Variants in ASCC1 observed in about 807,000 individuals in gnomAD.
The protein encoded by ASCC1 is ASC-1 complex subunit P50.
In ASCC1, 35 loss-of-function variants were observed where a neutral mutation model predicts 46.6. The ratio of observed to expected loss-of-function variants is 0.75; its 90% CI spans 0.57 to 0.99. ASCC1 has a LOEUF of 0.99. Among genes scored for constraint, ASCC1 ranks in the 50% least tolerant of loss-of-function variants. The pLI is 0.00. For synonymous variants in ASCC1, 143 were observed against 146.6 expected (o/e 0.98, Z 0.18); for missense variants, 376 against 428.7 (o/e 0.88, Z 1.09).
chr10:72,118,835 T>C (rs1423899261), intron 9 of ASCC1, among the ~76,000 whole-genome samples: 1 of 151,932 alleles, frequency 6.6e-6, no homozygotes, highest in Non-Finnish European at 1.5e-5. Context: ...TAAATGCTAG[T>C]CTCCCTTTGC....
chr10:72,128,276 G>A lies in ASCC1; in HGVS notation c.872-109C>T. The A allele has an allele frequency of 1.5e-5, 13 of 874,254 alleles. 1 individual carries two copies. In the South Asian group the frequency reaches 1.8e-4, roughly 12 times the overall value. 54.2% of individuals were successfully genotyped at this position (874,254 alleles called of 1,614,324 possible). On this transcript the variant is annotated intron_variant, in intron 8 of 9. Transcript: ENST00000672957. ...TAGCAAAATTTTCATGAACTACCTG[G>A]AAAGTGGCATAATGAAGAGGAAAAA... is the stretch of plus-strand genomic sequence containing the variant.
intron 9 of ASCC1, among the ~76,000 whole-genome samples, chr10:72,126,419 G>A (rs1844868849): frequency 6.6e-6 from 1 of 152,214 alleles, no homozygotes. Context: ...GGGTGGTTCA[G>A]AAGATTTCAG....
chr10:72,190,547 A>G lies in ASCC1; in HGVS notation c.489+6264T>C. The G allele has an allele frequency of 2.7e-6, 4 of 1,467,554 alleles. No individual in the cohort carries two copies. The South Asian group carries it at 4.6e-5, about 17-fold the overall frequency. 90.9% of individuals were successfully genotyped at this position (1,467,554 alleles called of 1,614,324 possible). Reference sequence around the variant, plus strand: ...TCGCAGGGCAGCTTGGAGAAGGCGCAATACTCTCCAGCTCCACCATTATCG... The same window carrying G: ...TCGCAGGGCAGCTTGGAGAAGGCGCGATACTCTCCAGCTCCACCATTATCG... On this transcript the variant is annotated intron_variant, in intron 5 of 9. Coordinates refer to ENST00000672957, the MANE Select transcript of ASCC1 (RefSeq NM_001198800.3).
At chr10:72,180,645 A>G (rs1852462433) in intron 5 of ASCC1, among the ~76,000 whole-genome samples, 1 of 152,136 alleles carries the variant, frequency 6.6e-6, no homozygotes, top group Non-Finnish European at 1.5e-5. Context: ...ATAAAAATCA[A>G]AAATCAAAAT....
At chr10:72,216,550 G>T (rs1859390153), upstream of ASCC1, among the ~76,000 whole-genome samples, 6 of 148,642 alleles carry the variant, frequency 4.0e-5, no homozygotes, top group South Asian at 1.1e-3. Context: ...TTTTGAAGTG[G>T]AACGATTTGT....
At chr10:72,101,805 A>G (rs1841796393) in intron 9 of ASCC1, among the ~76,000 whole-genome samples, 2 of 152,126 alleles carry the variant, frequency 1.3e-5, no homozygotes, top group African/African-American at 4.8e-5. Context: ...GTAGTAGTTC[A>G]GTCATGAGGG....
chr10:72,105,983 T>C (rs1370803130), intron 9 of ASCC1, among the ~76,000 whole-genome samples: 1 of 152,050 alleles, frequency 6.6e-6, no homozygotes, highest in Non-Finnish European at 1.5e-5. Flanking sequence ...TAGAACCGAA[T>C]AAATGGCCAG....
intron 5 of ASCC1, among the ~76,000 whole-genome samples, chr10:72,164,106 G>A (rs1850043379): frequency 2.0e-5 from 3 of 152,024 alleles, no homozygotes; most frequent in Admixed American, 1.3e-4. Flanking sequence ...GGGATTACAG[G>A]TGCCTGCCAC....
At chr10:72,142,515 T>C (rs1049892282) in intron 7 of ASCC1, among the ~76,000 whole-genome samples, 2 of 151,968 alleles carry the variant, frequency 1.3e-5, no homozygotes, top group Admixed American at 6.6e-5. Flanking sequence ...TACAGGCATG[T>C]GCCACCATGC....
intron 7 of ASCC1, among the ~76,000 whole-genome samples, chr10:72,150,676 GA>G (rs1387342277): frequency 6.6e-6 from 1 of 152,156 alleles, no homozygotes; most frequent in Non-Finnish European, 1.5e-5. Context: ...TACAGAATGG[GA>G]GAAAATTTTT....
chr10:72,161,505 A>G (rs370719809), intron 6 of ASCC1, 33 bp downstream of exon 6: 2 of 1,613,918 alleles, frequency 1.2e-6, no homozygotes, highest in African/African-American at 2.7e-5. Context: ...GCCCAGGTAG[A>G]CCACCCAACC....
In ASCC1 at chr10:72,102,158, T is replaced by C. The variant is rs1006133333; in HGVS notation, c.958-4708A>G. Among the ~76,000 whole-genome samples, 10 of 152,030 alleles carry C rather than the reference T, an allele frequency of 6.6e-5. 1 individual carries two copies. Among genetic ancestry groups the C allele is most frequent in the African/African-American group, 1.9e-4 (8 of 41,356 alleles). On this transcript the variant is annotated intron_variant, in intron 9 of 9. Transcript: ENST00000672957. ...TAAAATAAAAATTACAAAAGAAACA[T>C]AGAAACGCCTTGGTGACTTTCTAGA...
intron 6 of ASCC1, chr10:72,159,294 C>T (rs117341312): frequency 1.2e-4 from 19 of 152,154 alleles, no homozygotes; most frequent in Admixed American, 1.2e-3. Flanking sequence ...CACACTAACT[C>T]TGACATGCTT....
chr10:72,172,917 T>A (rs1252421817), intron 5 of ASCC1, among the ~76,000 whole-genome samples: 1 of 137,354 alleles, frequency 7.3e-6, no homozygotes, highest in Non-Finnish European at 1.5e-5. Context: ...TATATTTTTA[T>A]ATTATATATT....
intron 7 of ASCC1, among the ~76,000 whole-genome samples, chr10:72,140,674 G>A (rs1374681081): frequency 6.6e-6 from 1 of 152,154 alleles, no homozygotes; most frequent in Non-Finnish European, 1.5e-5. Flanking sequence ...AGAGTTGGAG[G>A]AGGGGGAAAA....
Position 72,208,888 on chromosome 10 carries a change from A to G in ASCC1, c.212+1844T>C, listed in dbSNP as rs1464995265. Among the ~76,000 whole-genome samples, 8 of 152,112 alleles carry G rather than the reference A, an allele frequency of 5.3e-5. 1 individual carries two copies. The highest frequency in any genetic ancestry group is 5.2e-4 in the Admixed American group (8 of 15,250). On this transcript the variant is annotated intron_variant, in intron 3 of 9. Transcript: ENST00000672957. Reference sequence around the variant, plus strand: ...AGATACAGACAGCTGGTAGATTCAAAAGATATTTAACACACTTGTAATGCC... The same window carrying G: ...AGATACAGACAGCTGGTAGATTCAAGAGATATTTAACACACTTGTAATGCC...
intron 6 of ASCC1, among the ~76,000 whole-genome samples, chr10:72,154,107 A>C (rs921937803): frequency 2.0e-5 from 3 of 152,220 alleles, no homozygotes; most frequent in Non-Finnish European, 4.4e-5. Context: ...TTCCATTTCC[A>C]GGAGCCCAAG....
intron 9 of ASCC1, among the ~76,000 whole-genome samples, chr10:72,122,068 A>T (rs77458087): frequency 0.028 from 4,340 of 152,318 alleles, 197 homozygotes; most frequent in African/African-American, 0.1. Context: ...CCACAATGAA[A>T]TTAAACTTGA....
intron 5 of ASCC1, among the ~76,000 whole-genome samples, chr10:72,194,564 A>C (rs2133235670): frequency 6.6e-6 from 1 of 152,104 alleles, no homozygotes; most frequent in Middle Eastern, 3.4e-3. Flanking sequence ...TATATGTAAA[A>C]TAAACAGTAT....
Sources: gnomAD v4.1 joint callset for allele counts (sites outside exome capture counted in the v4.1 genomes callset) on GRCh38, gnomAD v4.1.1 for gene constraint, MANE v1.5 for transcripts, NCBI Gene and HGNC (gene_info 2026-07-23, HGNC 2026-07-21) for gene names.